Variants in ATAD2B observed in about 807,000 individuals in gnomAD.
ATAD2B encodes ATPase family AAA domain-containing protein 2B.
A neutral mutation model predicts 167.6 loss-of-function variants in ATAD2B; 40 were observed. The observed-to-expected ratio is 0.24, with a 90% CI of 0.19 to 0.31. The LOEUF is 0.31. Ranked by LOEUF, ATAD2B falls within the 10% of genes least tolerant of loss-of-function variation. ATAD2B has a pLI of 1.00. For missense variants in ATAD2B, 1,242 were observed against 1,757.2 expected, an observed-to-expected ratio of 0.71 and a Z score of 5.24; for synonymous variants, 579 against 596.5, an observed-to-expected ratio of 0.97 and a Z score of 0.43.
At chr2:23,793,490 CCA>C (rs1682132739) in intron 19 of ATAD2B, among the ~76,000 whole-genome samples, 1 of 152,008 alleles carries the variant, frequency 6.6e-6, no homozygotes, top group Non-Finnish European at 1.5e-5. Flanking sequence ...CTTGCAATTC[CCA>C]TATATCTCAA....
At chr2:23,817,549 A>G (rs1014797572) in intron 17 of ATAD2B, among the ~76,000 whole-genome samples, 4 of 152,210 alleles carry the variant, frequency 2.6e-5, no homozygotes, top group East Asian at 1.9e-4. Context: ...CACTTTCGCC[A>G]TATTGAAATG....
the ATAD2B span, among the ~76,000 whole-genome samples, chr2:23,743,654 G>C: frequency 0.25 from 37,537 of 151,696 alleles, 4,924 homozygotes; most frequent in Middle Eastern, 0.37. Context: ...GAGACAGGGT[G>C]TCACTCTGTC....
At chr2:23,898,440 C>G (rs1425257682) in intron 1 of ATAD2B, among the ~76,000 whole-genome samples, 1 of 152,202 alleles carries the variant, frequency 6.6e-6, no homozygotes, top group Non-Finnish European at 1.5e-5. Context: ...ATCCACCTAT[C>G]AGTTGTAAGC....
intron 22 of ATAD2B, among the ~76,000 whole-genome samples, chr2:23,773,900 A>C (rs1678711071): frequency 6.6e-6 from 1 of 152,226 alleles, no homozygotes; most frequent in Non-Finnish European, 1.5e-5. Context: ...GTCTTCAGCA[A>C]AAAGTACTGG....
In ATAD2B at chr2:23,757,585, G is replaced by A. The variant is rs372015732; in HGVS notation, c.3911C>T (p.Ser1304Phe). ...SFCDSGDKCSSEQKILLEDQS... is the reference protein window; with the variant it reads ...SFCDSGDKCSFEQKILLEDQS... ...GTCCTCCAGAAGAATCTTTTGTTCA[G>A]AACTACATTTATCTCCACTATCACA... Residue 1304 changes from serine (S) to phenylalanine (F), a missense_variant, in exon 25 of 28, where the codon TCT becomes TTT. Physicochemically the swap from Ser to Phe is radical, Grantham distance 155. Transcript: ENST00000238789. The A allele has an allele frequency of 1.1e-5, 18 of 1,613,026 alleles. No homozygotes were observed. In the South Asian group the frequency reaches 1.4e-4, roughly 13 times the overall value.
chr2:23,875,814 A>G lies in ATAD2B; in HGVS notation c.977+15T>C. 6.3e-7 allele frequency: 1 copy of G among 1,584,016 alleles called. No individual in the cohort carries two copies. The highest frequency in any genetic ancestry group is 1.7e-5 in the Admixed American group (1 of 58,044). On this transcript the variant is annotated intron_variant, in intron 8 of 27. Coordinates refer to ENST00000238789, the MANE Select transcript of ATAD2B (RefSeq NM_017552.4). ...TTGACAAATGCAAATGTTTCCTTTCAAAAACAAACCTTACCTAATATGGCT... is the reference window on the plus strand; with the variant it reads ...TTGACAAATGCAAATGTTTCCTTTCGAAAACAAACCTTACCTAATATGGCT...
rs577923815 is a variant in ATAD2B at position 23,817,311 on chromosome 2, T to C, written c.2267+2436A>G. On this transcript the variant is annotated intron_variant, in intron 17 of 27. Transcript: ENST00000238789. ...TATTTAACTTCTGTGTGCTTCACTT[T>C]CCTCATCTATAAAATGAAGATACCA... Among the ~76,000 whole-genome samples, 30 of 152,312 alleles carry C rather than the reference T, an allele frequency of 2.0e-4. No individual in the cohort carries two copies. In the South Asian group the frequency reaches 4.6e-3, roughly 23 times the overall value.
the ATAD2B span, among the ~76,000 whole-genome samples, chr2:23,683,808 C>T: frequency 2.0e-5 from 3 of 152,094 alleles, no homozygotes; most frequent in Non-Finnish European, 4.4e-5. Context: ...GAAAAGTCCC[C>T]ACAAGTGTGA....
chr2:23,888,534 G>T, intron 2 of ATAD2B, 135 bp from the exon 3 acceptor site: 1 of 574,936 alleles, frequency 1.7e-6, no homozygotes, highest in South Asian at 2.8e-5. Context: ...CTGTAAGATT[G>T]GTAATATGTC....
intron 27 of ATAD2B, among the ~76,000 whole-genome samples, chr2:23,752,412 T>A (rs902464307): frequency 8.5e-6 from 1 of 117,252 alleles, no homozygotes; most frequent in Non-Finnish European, 2.0e-5. Context: ...ACTTAATGAG[T>A]AAGTTATTAT....
the ATAD2B span, among the ~76,000 whole-genome samples, chr2:23,732,459 C>T: frequency 6.6e-6 from 1 of 152,168 alleles, no homozygotes. Flanking sequence ...GAGTAGAGCA[C>T]AGGCAGCACT....
intron 19 of ATAD2B, among the ~76,000 whole-genome samples, chr2:23,789,278 G>A (rs2149419404): frequency 6.6e-6 from 1 of 152,252 alleles, no homozygotes; most frequent in Middle Eastern, 3.4e-3. Flanking sequence ...GACCCCAGGT[G>A]TCCACCTTCC....
chr2:23,711,342 C>CTTTTTTTTTTTTTTTTTT, the ATAD2B span, among the ~76,000 whole-genome samples: 1 of 79,784 alleles, frequency 1.3e-5, no homozygotes, highest in African/African-American at 4.9e-5. Flanking sequence ...GAATTTCTTT[C>CTTTTTTTTTTTTTTTTTT]TTTTTTTTTT....
rs369358597 is a variant in ATAD2B at position 23,770,467 on chromosome 2, G to A, written c.3134-4839C>T. 3.3e-5 allele frequency among the ~76,000 whole-genome samples: 5 copies of A among 152,274 alleles called. No homozygotes were observed. In the South Asian group the frequency reaches 1.0e-3, roughly 32 times the overall value. On this transcript the variant is annotated intron_variant, in intron 22 of 27. Transcript: ENST00000238789. The stretch of plus-strand genomic sequence containing the variant: ...AAATTGGGTTATTATTAAATTCTGA[G>A]ACTTAATATTCTGGCTATAGGTTTT...
the ATAD2B span, among the ~76,000 whole-genome samples, chr2:23,725,781 A>ACATT: frequency 1.3e-5 from 2 of 152,214 alleles, no homozygotes; most frequent in Non-Finnish European, 1.5e-5. Context: ...CATATAAATA[A>ACATT]TTACATTAAA....
chr2:23,840,656 T>C (rs969303941), intron 13 of ATAD2B, among the ~76,000 whole-genome samples: 4 of 152,348 alleles, frequency 2.6e-5, no homozygotes, highest in Admixed American at 6.5e-5. Flanking sequence ...AAATATGGTA[T>C]ATGTTTGAAA....
intron 8 of ATAD2B, chr2:23,872,883 T>G (rs28533546): frequency 2.3e-4 from 184 of 800,644 alleles, no homozygotes; most frequent in African/African-American, 2.1e-3. Context: ...TCACAGTGCC[T>G]GCCTGCCTGC....
intron 22 of ATAD2B, among the ~76,000 whole-genome samples, chr2:23,782,426 A>G (rs1221603170): frequency 6.6e-6 from 1 of 152,228 alleles, no homozygotes; most frequent in Admixed American, 6.5e-5. Flanking sequence ...TAGGAGTAAA[A>G]TAACACAGTT....
At chr2:23,722,202 G>A in the ATAD2B span, among the ~76,000 whole-genome samples, 1 of 151,794 alleles carries the variant, frequency 6.6e-6, no homozygotes, top group African/African-American at 2.4e-5. Flanking sequence ...AAAATGCAAG[G>A]AAACATGTAA....
Sources: gnomAD v4.1 joint callset for allele counts (sites outside exome capture counted in the v4.1 genomes callset) on GRCh38, gnomAD v4.1.1 for gene constraint, MANE v1.5 for transcripts, NCBI Gene and HGNC (gene_info 2026-07-23, HGNC 2026-07-21) for gene names.